The following EYS variants were observed in gnomAD, a reference collection of about 807,000 sequenced individuals.
EYS encodes EGF-like photoreceptor maintenance factor.
A neutral mutation model predicts 282.1 loss-of-function variants in EYS; 250 were observed. That is an observed-to-expected ratio of 0.89 (90% confidence interval 0.80 to 0.98). The LOEUF is 0.98. Among genes scored for constraint, EYS ranks in the 50% least tolerant of loss-of-function variants. EYS has a pLI of 0.00. For missense variants in EYS, 4,016 were observed against 3,709.0 expected, an observed-to-expected ratio of 1.08 and a Z score of -2.15; for synonymous variants, 1,355 against 1,282.9, an observed-to-expected ratio of 1.06 and a Z score of -1.20.
At chr6:64,962,141 A>T (rs562391876) in intron 14 of EYS, among the ~76,000 whole-genome samples, 1 of 151,998 alleles carries the variant, frequency 6.6e-6, no homozygotes, top group South Asian at 2.1e-4. Flanking sequence ...TCTAGTTGCT[A>T]TTCTTCTCAG....
In EYS at chr6:64,205,489, TG is replaced by T. The variant is rs1367621243; in HGVS notation, c.6424+25102del. On this transcript the variant is annotated intron_variant, in intron 31 of 42. Transcript: ENST00000503581. ...CAGTTTATGTAGAAGCAGAATGAAA[TG>T]GTAAATTTGCAGCTAGTTGAAGTTT... Among the ~76,000 whole-genome samples the T allele has an allele frequency of 2.0e-5, 3 of 152,280 alleles. No individual in the cohort carries two copies. The East Asian group carries it at 5.8e-4, about 29-fold the overall frequency.
chr6:65,659,330 T>C (rs1354972033), intron 1 of EYS, among the ~76,000 whole-genome samples: 1 of 151,720 alleles, frequency 6.6e-6, no homozygotes, highest in Non-Finnish European at 1.5e-5. Context: ...ACAAGTTTAT[T>C]TGAAACAGAA....
At chr6:64,579,755 A>C (rs1392079369) in intron 26 of EYS, among the ~76,000 whole-genome samples, 1 of 152,056 alleles carries the variant, frequency 6.6e-6, no homozygotes, top group Non-Finnish European at 1.5e-5. Context: ...TGCTGTACTG[A>C]ATCTTTGCTC....
At chr6:64,251,096 G>A (rs1195152689) in intron 30 of EYS, among the ~76,000 whole-genome samples, 3 of 152,098 alleles carry the variant, frequency 2.0e-5, no homozygotes, top group Admixed American at 6.6e-5. Context: ...TGATATGAAC[G>A]TTTATTAATG....
At chr6:64,992,623 T>A (rs1402318791) in intron 14 of EYS, among the ~76,000 whole-genome samples, 2 of 151,944 alleles carry the variant, frequency 1.3e-5, no homozygotes, top group Non-Finnish European at 2.9e-5. Flanking sequence ...CTTTTGTCTC[T>A]CTTTTTGCTA....
chr6:65,164,003 C>T (rs796475386), intron 12 of EYS, among the ~76,000 whole-genome samples: 73 of 151,316 alleles, frequency 4.8e-4, no homozygotes, highest in African/African-American at 1.5e-3. Context: ...CTCCATTTCC[C>T]CATATTATTA....
At chr6:65,652,145 G>A (rs756907543) in intron 1 of EYS, among the ~76,000 whole-genome samples, 1 of 151,926 alleles carries the variant, frequency 6.6e-6, no homozygotes, top group Non-Finnish European at 1.5e-5. Context: ...CTTGAGGAAG[G>A]AAAATGATAA....
intron 28 of EYS, among the ~76,000 whole-genome samples, chr6:64,421,574 G>C (rs1275810497): frequency 6.6e-6 from 1 of 151,974 alleles, no homozygotes; most frequent in Non-Finnish European, 1.5e-5. Flanking sequence ...GTAAGGTCAG[G>C]CTGACAAGTA....
chr6:65,342,020 G>T (rs1313615343), intron 10 of EYS, among the ~76,000 whole-genome samples: 1 of 151,148 alleles, frequency 6.6e-6, no homozygotes, highest in Non-Finnish European at 1.5e-5. Flanking sequence ...GCATTCATGT[G>T]TATGGGTAAT....
intron 35 of EYS, 123 bp downstream of exon 35, chr6:63,984,260 G>A (rs926348379): frequency 7.2e-5 from 50 of 693,016 alleles, no homozygotes; most frequent in Non-Finnish European, 1.1e-4. Context: ...GTGATGCATA[G>A]AAAAACTTGA....
chr6:65,319,513 G>A (rs1442694162), intron 11 of EYS, among the ~76,000 whole-genome samples: 1 of 151,988 alleles, frequency 6.6e-6, no homozygotes, highest in African/African-American at 2.4e-5. Context: ...GTACTGTCCT[G>A]ATACTTGGCC....
In EYS at chr6:63,862,415, C is replaced by CT. The variant is rs201221114; in HGVS notation, c.7228+1770dup. 9.2e-3 allele frequency among the ~76,000 whole-genome samples: 1,354 copies of CT among 147,954 alleles called. 23 individuals carry two copies. Among genetic ancestry groups the CT allele is most frequent in the African/African-American group, 0.028 (1,089 of 38,898 alleles). ...CTTCCGGATGGGTGCATGTAGGAAT[C>CT]TTTTTTTAAAAAAAAAAATTTACAC... is the stretch of plus-strand genomic sequence containing the variant. On this transcript the variant is annotated intron_variant, in intron 36 of 42. Coordinates refer to ENST00000503581, the MANE Select transcript of EYS (RefSeq NM_001142800.2).
At chr6:65,430,476 A>T (rs1255495766) in intron 5 of EYS, among the ~76,000 whole-genome samples, 1 of 152,162 alleles carries the variant, frequency 6.6e-6, no homozygotes, top group African/African-American at 2.4e-5. Flanking sequence ...TTTCTAGGCC[A>T]TAGGGACTGC....
At chr6:65,513,789 C>G (rs1766999221) in intron 2 of EYS, among the ~76,000 whole-genome samples, 1 of 151,956 alleles carries the variant, frequency 6.6e-6, no homozygotes, top group African/African-American at 2.4e-5. Context: ...TGGGATGTAT[C>G]TCAAAATAAT....
rs147873230 is a variant in EYS, at chr6:65,224,592, G to A, written c.2023+71271C>T. On this transcript the variant is annotated intron_variant, in intron 12 of 42. Coordinates refer to ENST00000503581, the MANE Select transcript of EYS (RefSeq NM_001142800.2). ...TAAATGAAATCAAGAAATGAAATAC[G>A]ATAGAGAGAATCAACAAAACTAAAA... Among the ~76,000 whole-genome samples, 803 of 148,196 alleles carry A rather than the reference G, an allele frequency of 5.4e-3. 6 individuals are homozygous for A. The highest frequency in any genetic ancestry group is 0.018 in the African/African-American group (765 of 41,388).
chr6:63,872,519 C>G (rs1453804995), intron 35 of EYS, among the ~76,000 whole-genome samples: 2 of 134,782 alleles, frequency 1.5e-5, no homozygotes, highest in Non-Finnish European at 3.1e-5. Context: ...GCTCTTGTCA[C>G]CCAGGCTGGA....
chr6:65,241,182 TCA>T (rs1024765768), intron 12 of EYS, among the ~76,000 whole-genome samples: 10 of 152,166 alleles, frequency 6.6e-5, no homozygotes, highest in African/African-American at 2.2e-4. Context: ...CTTCTTCCTT[TCA>T]CATTGTTAAA....
intron 12 of EYS, among the ~76,000 whole-genome samples, chr6:65,276,064 T>C (rs762459412): frequency 2.6e-5 from 4 of 152,154 alleles, no homozygotes; most frequent in Non-Finnish European, 5.9e-5. Context: ...CCCATGCTCA[T>C]AGATTTCCCT....
chr6:65,426,110 G>A (rs1005894103), intron 5 of EYS, among the ~76,000 whole-genome samples: 5 of 151,966 alleles, frequency 3.3e-5, no homozygotes, highest in African/African-American at 9.7e-5. Flanking sequence ...AAGTATCTAA[G>A]ACTAGAGGTG....
Sources: gnomAD v4.1 joint callset for allele counts (sites outside exome capture counted in the v4.1 genomes callset) on GRCh38, gnomAD v4.1.1 for gene constraint, MANE v1.5 for transcripts, NCBI Gene and HGNC (gene_info 2026-07-23, HGNC 2026-07-21) for gene names.